MYRIP: variants seen among roughly 807,000 people sequenced by gnomAD.
MYRIP encodes rab effector MyRIP.
In MYRIP, 49 loss-of-function variants were observed where a neutral mutation model predicts 98.0. The ratio of observed to expected loss-of-function variants is 0.50; its 90% CI spans 0.40 to 0.63. The LOEUF (loss-of-function observed/expected upper bound fraction) is 0.63. Ranked by LOEUF, MYRIP falls within the 30% of genes least tolerant of loss-of-function variation. The pLI, the probability that MYRIP is intolerant of heterozygous loss-of-function variation, is 0.00. For synonymous variants in MYRIP, 404 were observed against 409.5 expected (o/e 0.99, Z 0.16); for missense variants, 1,004 against 1,058.2 (o/e 0.95, Z 0.71).
chr3:40,203,098 T>C (rs2125649839), intron 10 of MYRIP, among the ~76,000 whole-genome samples: 1 of 151,768 alleles, frequency 6.6e-6, no homozygotes. Context: ...CCCAGCTAAT[T>C]TTTTTATATT....
At chr3:40,219,604 G>A (rs1355951934) in intron 11 of MYRIP, among the ~76,000 whole-genome samples, 11 of 152,114 alleles carry the variant, frequency 7.2e-5, no homozygotes, top group East Asian at 5.8e-4. Context: ...TTGTCCTTGC[G>A]ATAGTTTGCT....
chr3:39,847,977 A>G (rs1486166780), intron 1 of MYRIP, among the ~76,000 whole-genome samples: 3 of 152,284 alleles, frequency 2.0e-5, no homozygotes, highest in Middle Eastern at 3.4e-3. Flanking sequence ...ACTGATACTC[A>G]TCGTAAGCAC....
chr3:40,065,483 G>A (rs1387993532), intron 3 of MYRIP, among the ~76,000 whole-genome samples: 1 of 152,108 alleles, frequency 6.6e-6, no homozygotes, highest in Non-Finnish European at 1.5e-5. Context: ...CCACTCATCA[G>A]TGGTATTTGG....
At chr3:40,021,286 C>T (rs1946991055) in intron 2 of MYRIP, among the ~76,000 whole-genome samples, 1 of 144,070 alleles carries the variant, frequency 6.9e-6, no homozygotes, top group Admixed American at 6.7e-5. Context: ...TGTAGATAGA[C>T]ATCAGAGGGG....
intron 13 of MYRIP, among the ~76,000 whole-genome samples, chr3:40,245,035 A>G (rs1156512357): frequency 6.6e-6 from 1 of 152,252 alleles, no homozygotes; most frequent in Non-Finnish European, 1.5e-5. Context: ...GTGTGGCTTA[A>G]CATGTAACTC....
intron 1 of MYRIP, among the ~76,000 whole-genome samples, chr3:39,866,109 T>A (rs139628221): frequency 6.6e-6 from 1 of 152,040 alleles, no homozygotes; most frequent in African/African-American, 2.4e-5. Flanking sequence ...CACTTATCAG[T>A]GGGAGCTACA....
At chr3:39,875,252 T>A (rs1410692433) in intron 1 of MYRIP, among the ~76,000 whole-genome samples, 2 of 152,226 alleles carry the variant, frequency 1.3e-5, no homozygotes, top group South Asian at 2.1e-4. Flanking sequence ...TTAGTCTTGC[T>A]AGTGGTCTAT....
intron 11 of MYRIP, among the ~76,000 whole-genome samples, chr3:40,220,343 G>T (rs1352317441): frequency 2.0e-5 from 3 of 152,088 alleles, no homozygotes; most frequent in Non-Finnish European, 4.4e-5. Context: ...AGTTTAATTA[G>T]ATCCCATTTG....
intron 2 of MYRIP, among the ~76,000 whole-genome samples, chr3:39,987,385 ACTTT>A (rs1946056787): frequency 6.6e-6 from 1 of 152,144 alleles, no homozygotes; most frequent in Non-Finnish European, 1.5e-5. Flanking sequence ...TATGTACCAC[ACTTT>A]CTTTATCCAG....
chr3:40,160,338 G>A (rs996716006), intron 4 of MYRIP, among the ~76,000 whole-genome samples: 70 of 152,346 alleles, frequency 4.6e-4, no homozygotes, highest in Non-Finnish European at 6.5e-4. Context: ...ACTTGAGGAG[G>A]CAGTCTGCCT....
chr3:40,114,050 C>T (rs1004916419), intron 3 of MYRIP, among the ~76,000 whole-genome samples: 1 of 152,050 alleles, frequency 6.6e-6, no homozygotes, highest in Non-Finnish European at 1.5e-5. Context: ...ATAAAGCCCA[C>T]AAAACTTAAA....
At chr3:40,245,340 ATT>A (rs997363676) in intron 13 of MYRIP, among the ~76,000 whole-genome samples, 1 of 151,890 alleles carries the variant, frequency 6.6e-6, no homozygotes, top group Admixed American at 6.6e-5. Flanking sequence ...ACCCATGACA[ATT>A]TTTTTCTTTA....
chr3:40,071,058 A>G, intron 3 of MYRIP: 1 of 842,036 alleles, frequency 1.2e-6, no homozygotes, highest in Middle Eastern at 6.1e-4. Flanking sequence ...AGCAAGATGC[A>G]TTTGCCTTTT....
chr3:40,005,755 C>T (rs1364090071), intron 2 of MYRIP, among the ~76,000 whole-genome samples: 2 of 152,178 alleles, frequency 1.3e-5, no homozygotes, highest in Non-Finnish European at 2.9e-5. Context: ...TATTTTGCAA[C>T]ACCATATATA....
rs1201616688 is a variant in MYRIP at position 39,996,005 on chromosome 3, C to T, written c.111-48045C>T. 2.0e-5 allele frequency among the ~76,000 whole-genome samples: 3 copies of T among 152,162 alleles called. No homozygotes were observed. In the East Asian group the frequency reaches 5.8e-4, roughly 29 times the overall value. On this transcript the variant is annotated intron_variant, in intron 2 of 16. Transcript: ENST00000302541. ...GCTGAGAGATTCTGTCACCACCAGG[C>T]CTGCCATACAAGAGCTCCTGAAGGA...
At chr3:39,899,828 T>A (rs964279664) in intron 1 of MYRIP, among the ~76,000 whole-genome samples, 5 of 152,332 alleles carry the variant, frequency 3.3e-5, no homozygotes, top group African/African-American at 1.2e-4. Context: ...TATTTGCCAT[T>A]TCTATTTTTT....
chr3:39,891,608 T>C (rs1311358984), intron 1 of MYRIP, among the ~76,000 whole-genome samples: 3 of 152,140 alleles, frequency 2.0e-5, no homozygotes, highest in Admixed American at 2.0e-4. Flanking sequence ...TCAATGGTAT[T>C]TAATTTAAAT....
intron 3 of MYRIP, among the ~76,000 whole-genome samples, chr3:40,141,532 A>C (rs531774206): frequency 6.6e-6 from 1 of 152,194 alleles, no homozygotes; most frequent in Non-Finnish European, 1.5e-5. Flanking sequence ...ATCAATGTCC[A>C]GAAGTATTTC....
At chr3:39,999,256 A>G (rs1946451882) in intron 2 of MYRIP, among the ~76,000 whole-genome samples, 1 of 152,236 alleles carries the variant, frequency 6.6e-6, no homozygotes, top group Admixed American at 6.5e-5. Flanking sequence ...ACAGAATGGG[A>G]GAACATTTTT....
Sources: gnomAD v4.1 joint callset for allele counts (sites outside exome capture counted in the v4.1 genomes callset) on GRCh38, gnomAD v4.1.1 for gene constraint, MANE v1.5 for transcripts, NCBI Gene and HGNC (gene_info 2026-07-23, HGNC 2026-07-21) for gene names.